The following ALS2 variants were observed in gnomAD, a reference collection of about 807,000 sequenced individuals.
ALS2 encodes the protein alsin.
ALS2 carries 117 observed loss-of-function variants against 203.4 expected under a neutral mutation model. That is an observed-to-expected ratio of 0.58 (90% CI 0.50 to 0.67). ALS2 has a LOEUF of 0.67. Among genes scored for constraint, ALS2 ranks in the 30% least tolerant of loss-of-function variants. The pLI is 0.00. For synonymous variants in ALS2, 718 were observed against 725.9 expected (o/e 0.99, Z 0.17); for missense variants, 1,715 against 1,989.4 (o/e 0.86, Z 2.62).
intron 4 of ALS2, among the ~76,000 whole-genome samples, chr2:201,759,216 T>C (rs930802138): frequency 2.0e-5 from 3 of 152,122 alleles, no homozygotes. Flanking sequence ...TATTTAAAAA[T>C]ATAGTAATAA....
Position 201,715,752 on chromosome 2 carries a change from G to A in ALS2, c.3924C>T (p.Gly1308=), listed in dbSNP as rs771563900. The A allele has an allele frequency of 4.3e-6, 7 of 1,614,180 alleles. No homozygotes were observed. The South Asian group carries it at 6.6e-5, about 15-fold the overall frequency. Residue 1308 remains glycine (G), a synonymous_variant, in exon 25 of 34, where the codon GGC becomes GGT. Coordinates refer to ENST00000264276, the MANE Select transcript of ALS2 (RefSeq NM_020919.4). The stretch of plus-strand genomic sequence containing the variant: ...CTTTCCAAACTTCCCCTTGGCCTGG[G>A]CCCTCACAGCCCAGTTGGCGCCAAC... ...DECWRQLGCE[G]PGQGEVWKAW...
chr2:201,726,044 CATT>C (rs1159441809), intron 19 of ALS2, among the ~76,000 whole-genome samples: 5 of 152,134 alleles, frequency 3.3e-5, no homozygotes, highest in Admixed American at 6.5e-5. Flanking sequence ...ATTAGAGCAT[CATT>C]GAGATAATAT....
chr2:201,732,533 A>C (rs1574721443), intron 13 of ALS2, among the ~76,000 whole-genome samples: 1 of 152,110 alleles, frequency 6.6e-6, no homozygotes, highest in Non-Finnish European at 1.5e-5. Flanking sequence ...GCGCCACTGC[A>C]CTCCAGCCCC....
intron 1 of ALS2, among the ~76,000 whole-genome samples, chr2:201,777,377 C>G (rs1261853234): frequency 6.6e-6 from 1 of 152,032 alleles, no homozygotes; most frequent in Non-Finnish European, 1.5e-5. Context: ...ACATTCCTTT[C>G]TTATTGCAGG....
chr2:201,715,676 C>T lies in ALS2; in HGVS notation c.4000G>A (p.Asp1334Asn). 1 of 1,614,192 alleles carries T rather than the reference C, an allele frequency of 6.2e-7. No homozygotes were observed. The highest frequency in any genetic ancestry group is 2.2e-5 in the East Asian group (1 of 44,876). The change falls in exon 25 of 34, where the codon GAC (aspartate) becomes AAC (asparagine). Residue 1334 changes from aspartate to asparagine, a missense_variant. Asp to Asn is a conservative substitution (Grantham distance 23). Transcript: ENST00000264276. ...ALTTSRRQHR[D>N]SPEILSRSQT... is the part of the protein sequence containing the mutation. Reference sequence around the variant, plus strand: ...GTTGAGCAGGTGTTCACTCACCTGTCTCTGTGCTGGCGCCGACTGGTGGTC... The same window carrying T: ...GTTGAGCAGGTGTTCACTCACCTGTTTCTGTGCTGGCGCCGACTGGTGGTC...
In ALS2 at chr2:201,726,719, G is replaced by T. The variant is rs529130074; in HGVS notation, c.3127C>A (p.Arg1043Ser). 1 of 1,614,168 alleles carries T rather than the reference G, an allele frequency of 6.2e-7. No individual in the cohort carries two copies. Among genetic ancestry groups the T allele is most frequent in the Admixed American group, 1.7e-5 (1 of 60,026 alleles). Reference protein sequence around the residue: ...SAKYTFYKDPRLKDATYDGRW... With the variant: ...SAKYTFYKDPSLKDATYDGRW... Reference sequence around the variant, plus strand: ...CCATCATAGGTGGCATCCTTTAGGCGAGGATCCTTGTAGAAAGTATATTTG... The same window carrying T: ...CCATCATAGGTGGCATCCTTTAGGCTAGGATCCTTGTAGAAAGTATATTTG... Residue 1043 changes from arginine (R) to serine (S), a missense_variant, in exon 18 of 34, where the codon CGC (arginine) becomes AGC (serine). Around this residue, in one of 3 missense-constraint regions of ALS2, gnomAD observed 1,227 missense variants for 1,413.5 expected, o/e 0.87. Transcript: ENST00000264276.
In ALS2 at chr2:201,768,544, AT is replaced by A. The variant is rs1303298844; in HGVS notation, c.20+321del. 2.0e-5 allele frequency among the ~76,000 whole-genome samples: 3 copies of A among 152,232 alleles called. No individual in the cohort carries two copies. In the East Asian group the frequency reaches 5.8e-4, roughly 29 times the overall value. ...TATACATTTAACCTTCCTTTTAAAT[AT>A]CTTCCATAACTAGTTCTTTAAGGAT... On this transcript the variant is annotated intron_variant, in intron 2 of 33. Transcript: ENST00000264276.
At chr2:201,719,808 C>T (rs980511866) in intron 23 of ALS2, among the ~76,000 whole-genome samples, 3 of 151,856 alleles carry the variant, frequency 2.0e-5, no homozygotes, top group South Asian at 2.1e-4. Context: ...CACAAACATA[C>T]GAAGACAGAA....
At chr2:201,725,005 C>T (rs757514994) in intron 20 of ALS2, among the ~76,000 whole-genome samples, 1 of 151,002 alleles carries the variant, frequency 6.6e-6, no homozygotes, top group African/African-American at 2.4e-5. Context: ...CCCACCTACT[C>T]GGGAGGCTGA....
rs768745003 is a variant in ALS2, at chr2:201,761,139, C to T, written c.855G>A (p.Arg285=). ...ALSPSTETLD[R]QEEVFENTLV... Reference sequence around the variant, plus strand: ...GAGTGTTCTCAAATACTTCTTCCTGCCTGTCAAGGGTTTCAGTGGAGGGGC... The same window carrying T: ...GAGTGTTCTCAAATACTTCTTCCTGTCTGTCAAGGGTTTCAGTGGAGGGGC... The change falls in exon 4 of 34, where the codon AGG becomes AGA. Residue 285 remains arginine, a synonymous_variant. Coordinates refer to ENST00000264276, the MANE Select transcript of ALS2 (RefSeq NM_020919.4). The T allele has an allele frequency of 6.2e-7, 1 of 1,614,198 alleles. No homozygotes were observed. Among genetic ancestry groups the T allele is most frequent in the African/African-American group, 1.3e-5 (1 of 75,038 alleles).
At chr2:201,723,292 A>C in intron 22 of ALS2, 38 bp downstream of exon 22, 1 of 1,533,188 alleles carries the variant, frequency 6.5e-7, no homozygotes, top group Non-Finnish European at 9.0e-7. Context: ...AGGAGCTTTA[A>C]AAAGTTAGTA....
Position 201,761,050 on chromosome 2 carries a change from C to T in ALS2, c.944G>A (p.Ser315Asn). The change falls in exon 4 of 34, where the codon AGC becomes AAC. Residue 315 changes from serine (S) to asparagine (N), a missense_variant. Ser to Asn is a conservative substitution (Grantham distance 46). Transcript: ENST00000264276. ...LNAVSAQITS[S>N]DAMSSQQNVM... ...ATTTTGTTGAGAGGACATGGCATCG[C>T]TGCTTGTGATCTGAGCACTTACTGC... 6.2e-7 allele frequency: 1 copy of T among 1,614,218 alleles called. No individual in the cohort carries two copies. The highest frequency in any genetic ancestry group is 1.1e-5 in the South Asian group (1 of 91,088).
intron 5 of ALS2, among the ~76,000 whole-genome samples, 155 bp downstream of exon 5, chr2:201,757,247 T>C (rs1268612041): frequency 1.3e-5 from 2 of 152,184 alleles, no homozygotes; most frequent in Non-Finnish European, 2.9e-5. Context: ...CAGATAAACA[T>C]GTAACTTTCT....
At chr2:201,719,198 T>A (rs1215161243) in intron 23 of ALS2, among the ~76,000 whole-genome samples, 1 of 152,202 alleles carries the variant, frequency 6.6e-6, no homozygotes, top group Non-Finnish European at 1.5e-5. Flanking sequence ...CTCTAAAATC[T>A]GTGCTGAAAC....
At chr2:201,727,849 A>G in intron 15 of ALS2, 74 bp from the exon 16 acceptor site, 1 of 1,378,352 alleles carries the variant, frequency 7.3e-7, no homozygotes. Flanking sequence ...TATCCCCTTC[A>G]TGTCATTAAC....
At chr2:201,754,722 A>T in intron 5 of ALS2, 51 bp from the exon 6 acceptor site, 1 of 1,588,794 alleles carries the variant, frequency 6.3e-7, no homozygotes, top group Non-Finnish European at 8.6e-7. Context: ...AGAGGGTAAG[A>T]AAACATATCA....
intron 2 of ALS2, among the ~76,000 whole-genome samples, chr2:201,768,028 G>C (rs1385017530): frequency 6.6e-5 from 10 of 152,106 alleles, no homozygotes; most frequent in Non-Finnish European, 1.3e-4. Context: ...TCCTTGTTGA[G>C]ATATCAAAGC....
At chr2:201,707,616 G>A (rs1181417585) in intron 28 of ALS2, among the ~76,000 whole-genome samples, 3 of 151,876 alleles carry the variant, frequency 2.0e-5, no homozygotes, top group Non-Finnish European at 4.4e-5. Flanking sequence ...TTTTTGTAGA[G>A]ATGGGGTCTC....
Position 201,710,425 on chromosome 2 carries a change from C to A in ALS2, c.4123-387G>T, listed in dbSNP as rs563813664. 1.7e-4 allele frequency among the ~76,000 whole-genome samples: 13 copies of A among 76,976 alleles called. No individual in the cohort carries two copies. In the East Asian group the frequency reaches 5.1e-3, roughly 30 times the overall value. 50.5% of individuals were successfully genotyped at this position (76,976 alleles called of 152,430 possible). ...CAGCCTGAGCAACACAGTGAGAACC[C>A]CCATATCTAAAAAAAAAAAAGAATA... is the stretch of plus-strand genomic sequence containing the variant. On this transcript the variant is annotated intron_variant, in intron 26 of 33. Coordinates refer to ENST00000264276, the MANE Select transcript of ALS2 (RefSeq NM_020919.4).
Sources: allele counts gnomAD v4.1 joint callset (sites outside exome capture counted in the v4.1 genomes callset), GRCh38; gene constraint gnomAD v4.1.1; regional missense constraint gnomAD v4.1.1; transcripts MANE v1.5; gene names NCBI Gene and HGNC (gene_info 2026-07-23, HGNC 2026-07-21).